The following LARGE1 variants were observed in gnomAD, a reference collection of about 807,000 sequenced individuals.
LARGE1 encodes xylosyl- and glucuronyltransferase LARGE1.
A neutral mutation model predicts 87.6 loss-of-function variants in LARGE1; 43 were observed. The ratio of observed to expected loss-of-function variants is 0.49; its 90% CI spans 0.38 to 0.63. The LOEUF (loss-of-function observed/expected upper bound fraction) is 0.63, where lower values mean the gene tolerates loss of function less well. Among genes scored for constraint, LARGE1 ranks in the 30% least tolerant of loss-of-function variants. LARGE1 has a pLI of 0.00. For synonymous variants in LARGE1, 434 were observed against 394.6 expected, an observed-to-expected ratio of 1.10 and a Z score of -1.18; for missense variants, 802 against 1,000.2, an observed-to-expected ratio of 0.80 and a Z score of 2.67.
At chr22:33,204,820 G>A (rs947165659) in intron 11 of LARGE1, among the ~76,000 whole-genome samples, 4 of 151,816 alleles carry the variant, frequency 2.6e-5, no homozygotes, top group Non-Finnish European at 4.4e-5. Context: ...AGCCTCTATT[G>A]TAGGAATTAC....
At chr22:33,651,223 T>TAAAAAAAAAAAAAAAAAA (rs1371688457) in intron 2 of LARGE1, among the ~76,000 whole-genome samples, 15 of 17,142 alleles carry the variant, frequency 8.8e-4, no homozygotes, top group Non-Finnish European at 1.0e-3. Flanking sequence ...CTACTAAAAA[T>TAAAAAAAAAAAAAAAAAA]ACAAAAAAAA....
intron 6 of LARGE1, among the ~76,000 whole-genome samples, chr22:33,532,806 G>C (rs2076936726): frequency 6.6e-6 from 1 of 152,152 alleles, no homozygotes; most frequent in African/African-American, 2.4e-5. Flanking sequence ...TCATTCCTTT[G>C]TGAGTGCCAA....
At chr22:33,668,599 A>C (rs1028407258) in intron 2 of LARGE1, among the ~76,000 whole-genome samples, 4 of 152,230 alleles carry the variant, frequency 2.6e-5, no homozygotes, top group Non-Finnish European at 4.4e-5. Flanking sequence ...ACTTGGAGAC[A>C]GATTTTGGAG....
chr22:33,787,335 C>T (rs2085680386), intron 1 of LARGE1, among the ~76,000 whole-genome samples: 1 of 152,156 alleles, frequency 6.6e-6, no homozygotes, highest in Non-Finnish European at 1.5e-5. Flanking sequence ...TAAGTGAGTG[C>T]ACTGATCAGG....
chr22:33,630,056 A>G (rs7287473), intron 3 of LARGE1, among the ~76,000 whole-genome samples: 1,661 of 152,252 alleles, frequency 0.011, 25 homozygotes, highest in African/African-American at 0.038. Context: ...AAAATTAGCC[A>G]GGTGTGGTGG....
At chr22:33,828,061 G>A (rs1176318135) in intron 1 of LARGE1, among the ~76,000 whole-genome samples, 1 of 152,200 alleles carries the variant, frequency 6.6e-6, no homozygotes, top group Admixed American at 6.5e-5. Flanking sequence ...GAAGAAATGA[G>A]ATGGCGGAAG....
chr22:33,863,378 G>A (rs527935483), intron 1 of LARGE1, among the ~76,000 whole-genome samples: 4 of 152,182 alleles, frequency 2.6e-5, no homozygotes, highest in Non-Finnish European at 5.9e-5. Context: ...CCTGCCTCAC[G>A]ATGGGGCCAG....
chr22:33,301,858 C>T (rs550374542), intron 12 of LARGE1, among the ~76,000 whole-genome samples: 1 of 152,210 alleles, frequency 6.6e-6, no homozygotes, highest in East Asian at 1.9e-4. Context: ...GTGAACGATG[C>T]CTTTAATTAA....
chr22:33,791,436 T>A (rs974077456), intron 1 of LARGE1, among the ~76,000 whole-genome samples: 2 of 152,180 alleles, frequency 1.3e-5, no homozygotes, highest in Non-Finnish European at 2.9e-5. Context: ...TACAAAAAAA[T>A]TTAATTATTT....
At chr22:33,922,245 G>A (rs2065967675), upstream of LARGE1, among the ~76,000 whole-genome samples, 1 of 134,810 alleles carries the variant, frequency 7.4e-6, no homozygotes, top group African/African-American at 2.7e-5. Flanking sequence ...GGGTTGCCCA[G>A]CTGACCCCAC....
At chr22:33,355,990 T>TA (rs1940854179) in intron 9 of LARGE1, among the ~76,000 whole-genome samples, 1 of 152,144 alleles carries the variant, frequency 6.6e-6, no homozygotes. Flanking sequence ...GACTTCCTAA[T>TA]ACAGTATTTG....
intron 5 of LARGE1, among the ~76,000 whole-genome samples, chr22:33,576,160 T>C (rs573906015): frequency 6.6e-6 from 1 of 152,326 alleles, no homozygotes; most frequent in East Asian, 1.9e-4. Context: ...TATGTATTTA[T>C]GTATGTAGAC....
chr22:33,117,423 T>TC, the LARGE1 span, among the ~76,000 whole-genome samples: 6 of 130,808 alleles, frequency 4.6e-5, no homozygotes, highest in African/African-American at 1.8e-4. Flanking sequence ...AGCACTTCTC[T>TC]CACATTATTA....
chr22:33,827,332 T>G (rs908165861), intron 1 of LARGE1, among the ~76,000 whole-genome samples: 3 of 152,038 alleles, frequency 2.0e-5, no homozygotes, highest in Non-Finnish European at 4.4e-5. Context: ...ATCGCACTAC[T>G]GTACTCCAGC....
chr22:33,640,774 C>G (rs1391403599), intron 3 of LARGE1, among the ~76,000 whole-genome samples: 1 of 152,172 alleles, frequency 6.6e-6, no homozygotes, highest in Admixed American at 6.5e-5. Flanking sequence ...ATACTGAGGC[C>G]TGAGTATGCG....
chr22:33,830,351 A>G (rs901649762), intron 1 of LARGE1, among the ~76,000 whole-genome samples: 1 of 152,166 alleles, frequency 6.6e-6, no homozygotes, highest in East Asian at 1.9e-4. Context: ...AGGCAAAGGG[A>G]GCTGGCTGCT....
chr22:33,545,253 T>C (rs1040261617), intron 6 of LARGE1, among the ~76,000 whole-genome samples: 1 of 141,454 alleles, frequency 7.1e-6, no homozygotes, highest in South Asian at 2.2e-4. Flanking sequence ...AACACCTATG[T>C]CTTTCCTTTT....
chr22:33,111,444 ACC>A, the LARGE1 span, among the ~76,000 whole-genome samples: 1 of 152,032 alleles, frequency 6.6e-6, no homozygotes, highest in African/African-American at 2.4e-5. Flanking sequence ...CAAGGAAAAG[ACC>A]CTAATTTGGA....
chr22:33,366,058 C>T (rs759994757), intron 9 of LARGE1, among the ~76,000 whole-genome samples: 10 of 152,106 alleles, frequency 6.6e-5, no homozygotes, highest in Non-Finnish European at 1.5e-4. Context: ...GGCCAGTTTC[C>T]CTTTTCATTT....
Sources: allele counts gnomAD v4.1 joint callset (sites outside exome capture counted in the v4.1 genomes callset), GRCh38; gene constraint gnomAD v4.1.1; transcripts MANE v1.5; gene names NCBI Gene and HGNC (gene_info 2026-07-23, HGNC 2026-07-21).